The following ARK2N variants were observed in gnomAD, a reference collection of about 807,000 sequenced individuals.
ARK2N encodes arkadia (RNF111) N-terminal like PKA signaling regulator 2N.
the ARK2N span, among the ~76,000 whole-genome samples, chr18:46,184,509 T>C: frequency 6.6e-6 from 1 of 152,158 alleles, no homozygotes; most frequent in African/African-American, 2.4e-5. Context: ...ATGGCTTAAA[T>C]ACAGGAGTTT....
the ARK2N span, among the ~76,000 whole-genome samples, chr18:46,224,716 T>G: frequency 6.6e-6 from 1 of 152,346 alleles, no homozygotes; most frequent in East Asian, 1.9e-4. Context: ...GCTAGGTAGA[T>G]AAATTAAAGC....
At chr18:46,198,283 A>G in the ARK2N span, among the ~76,000 whole-genome samples, 15 of 132,032 alleles carry the variant, frequency 1.1e-4, no homozygotes, top group Admixed American at 4.2e-4. Context: ...GCACTCCAGT[A>G]TGGATGACTG....
At chr18:46,253,627 T>G in the ARK2N span, 54 of 1,522,548 alleles carry the variant, frequency 3.5e-5, no homozygotes, top group Non-Finnish European at 4.5e-5. Context: ...AATCTGTCAA[T>G]GAGTTGTTTC....
chr18:46,249,162 C>G, the ARK2N span, among the ~76,000 whole-genome samples: 4 of 152,284 alleles, frequency 2.6e-5, no homozygotes, highest in South Asian at 8.3e-4. Flanking sequence ...CCTTAATTTC[C>G]TAGTCTGCGG....
the ARK2N span, among the ~76,000 whole-genome samples, chr18:46,229,438 C>T: frequency 4.6e-5 from 7 of 151,922 alleles, no homozygotes; most frequent in Non-Finnish European, 8.8e-5. Flanking sequence ...AGCTCCGTCT[C>T]CCGGGTTCAT....
chr18:46,245,573 TA>T, the ARK2N span, among the ~76,000 whole-genome samples: 266 of 117,358 alleles, frequency 2.3e-3, no homozygotes, highest in African/African-American at 6.0e-3. Flanking sequence ...TCTGTCTCAA[TA>T]AAAAAAAAAA....
the ARK2N span, among the ~76,000 whole-genome samples, chr18:46,209,902 G>GT: frequency 6.6e-6 from 1 of 152,014 alleles, no homozygotes; most frequent in Non-Finnish European, 1.5e-5. Context: ...CCAACAAACT[G>GT]TTTTTTCAGA....
At chr18:46,259,899 G>GTGTGTGTGTGTGAGTGTGTGTGTGTGTT in the ARK2N span, among the ~76,000 whole-genome samples, 1 of 132,574 alleles carries the variant, frequency 7.5e-6, no homozygotes, top group Non-Finnish European at 1.7e-5. Context: ...GTGTGTGTGT[G>GTGTGTGTGTGTGAGTGTGTGTGTGTGTT]CGACAGAGAT....
At chr18:46,255,679 G>A in the ARK2N span, among the ~76,000 whole-genome samples, 4 of 151,464 alleles carry the variant, frequency 2.6e-5, no homozygotes, top group Non-Finnish European at 5.9e-5. Flanking sequence ...TTGAACTCCT[G>A]ACCTCAGGTG....
chr18:46,207,991 G>T, the ARK2N span, among the ~76,000 whole-genome samples: 2 of 152,106 alleles, frequency 1.3e-5, no homozygotes, highest in African/African-American at 4.8e-5. Context: ...CGTTCTACTT[G>T]TTGGGCAAAA....
At chr18:46,226,935 GT>G in the ARK2N span, among the ~76,000 whole-genome samples, 6 of 151,588 alleles carry the variant, frequency 4.0e-5, no homozygotes, top group African/African-American at 1.5e-4. Flanking sequence ...AGCCTCCCAA[GT>G]AGCTGGGATT....
chr18:46,250,400 C>T, the ARK2N span, among the ~76,000 whole-genome samples: 1 of 151,720 alleles, frequency 6.6e-6, no homozygotes, highest in African/African-American at 2.4e-5. Flanking sequence ...GTAACTCTAT[C>T]CATTTACCTA....
the ARK2N span, chr18:46,218,637 G>A: frequency 6.6e-6 from 1 of 152,186 alleles, no homozygotes; most frequent in African/African-American, 2.4e-5. Context: ...GTTGTCTCTT[G>A]AAAAATTGTG....
the ARK2N span, chr18:46,232,788 G>A: frequency 2.0e-5 from 3 of 152,128 alleles, no homozygotes; most frequent in Non-Finnish European, 2.9e-5. Context: ...GTATTCTATG[G>A]CAATTAAGTC....
chr18:46,262,571 G>C, the ARK2N span, among the ~76,000 whole-genome samples: 7 of 152,078 alleles, frequency 4.6e-5, no homozygotes, highest in African/African-American at 1.4e-4. Flanking sequence ...AGATTGTTTG[G>C]GCATCTTAAC....
chr18:46,189,619 G>A, the ARK2N span, among the ~76,000 whole-genome samples: 1 of 152,110 alleles, frequency 6.6e-6, no homozygotes, highest in Non-Finnish European at 1.5e-5. Context: ...AGGTGTGGTG[G>A]CTCATGTCTG....
the ARK2N span, among the ~76,000 whole-genome samples, chr18:46,252,427 AC>A: frequency 6.6e-6 from 1 of 151,834 alleles, no homozygotes; most frequent in Non-Finnish European, 1.5e-5. Flanking sequence ...CAGGCATGCC[AC>A]CATGCCCAGC....
chr18:46,258,989 T>G, the ARK2N span, among the ~76,000 whole-genome samples: 1 of 152,114 alleles, frequency 6.6e-6, no homozygotes, highest in Non-Finnish European at 1.5e-5. Flanking sequence ...CCCTTCTGTT[T>G]ACTAGATTGA....
At chr18:46,262,901 A>G in the ARK2N span, 7 of 1,605,138 alleles carry the variant, frequency 4.4e-6, no homozygotes, top group Admixed American at 8.3e-5. Context: ...GGAATTAACC[A>G]TGCTTTTGTT....
Sources: allele counts gnomAD v4.1 joint callset (sites outside exome capture counted in the v4.1 genomes callset), GRCh38; gene constraint gnomAD v4.1.1; transcripts MANE v1.5; gene names NCBI Gene and HGNC (gene_info 2026-07-23, HGNC 2026-07-21).